The following GCLC variants were observed in gnomAD, a reference collection of about 807,000 sequenced individuals.
GCLC encodes glutamate-cysteine ligase catalytic subunit.
Under a neutral mutation model 81.5 loss-of-function variants are expected in GCLC, and 30 were observed. The ratio of observed to expected loss-of-function variants is 0.37; its 90% CI spans 0.28 to 0.50. The LOEUF (loss-of-function observed/expected upper bound fraction) is 0.50, where lower values mean the gene tolerates loss of function less well. GCLC is among the 20% of genes least tolerant of loss of function. GCLC has a pLI of 0.96. For synonymous variants in GCLC, 262 were observed against 273.3 expected, an observed-to-expected ratio of 0.96 and a Z score of 0.41; for missense variants, 556 against 777.4, an observed-to-expected ratio of 0.72 and a Z score of 3.39.
intron 1 of GCLC, among the ~76,000 whole-genome samples, chr6:53,541,887 G>T (rs377398042): frequency 4.8e-4 from 73 of 152,098 alleles, no homozygotes; most frequent in African/African-American, 1.7e-3. Flanking sequence ...TTTGGGGTAG[G>T]GGGCTAGGGT....
intron 12 of GCLC, 50 bp from the exon 13 acceptor site, chr6:53,500,563 A>G (rs2127618715): frequency 7.5e-7 from 1 of 1,334,764 alleles, no homozygotes. Flanking sequence ...TTGATCAGAC[A>G]TACAAGTTGC....
chr6:53,528,175 C>A (rs1307637223), intron 1 of GCLC, among the ~76,000 whole-genome samples: 1 of 152,156 alleles, frequency 6.6e-6, no homozygotes. Context: ...GACAACCTGA[C>A]TGACAAGACT....
chr6:53,502,480 C>T (rs1156635452), intron 12 of GCLC, among the ~76,000 whole-genome samples: 2 of 152,216 alleles, frequency 1.3e-5, no homozygotes, highest in African/African-American at 4.8e-5. Context: ...CCATGTATTA[C>T]CCATCACACT....
At chr6:53,535,618 G>C (rs1336539531) in intron 1 of GCLC, among the ~76,000 whole-genome samples, 3 of 152,178 alleles carry the variant, frequency 2.0e-5, no homozygotes, top group Non-Finnish European at 4.4e-5. Flanking sequence ...CCAAAATATA[G>C]AGAACGCTCA....
intron 6 of GCLC, 90 bp downstream of exon 6, chr6:53,514,114 A>G (rs894894008): frequency 3.2e-5 from 40 of 1,269,786 alleles, no homozygotes; most frequent in Non-Finnish European, 4.6e-5. Flanking sequence ...TTAAAATGTG[A>G]TTTTTGGAAC....
At chr6:53,517,524 GGTTCTTGA>G (rs1762897664) in intron 3 of GCLC, among the ~76,000 whole-genome samples, 2 of 152,010 alleles carry the variant, frequency 1.3e-5, no homozygotes. Flanking sequence ...CAGCTACAAG[GGTTCTTGA>G]GAATTCTTGA....
chr6:53,524,668 T>C (rs541024906), intron 1 of GCLC, among the ~76,000 whole-genome samples: 2 of 152,320 alleles, frequency 1.3e-5, no homozygotes, highest in East Asian at 3.9e-4. Flanking sequence ...CATCTGCTAC[T>C]GGAATTAAGT....
intron 7 of GCLC, 53 bp from the exon 8 acceptor site, chr6:53,508,764 T>TA (rs34497460): frequency 7.7e-6 from 9 of 1,175,156 alleles, no homozygotes; most frequent in South Asian, 3.6e-5. Context: ...ACTTACATGC[T>TA]AAAAAAAGCT....
intron 6 of GCLC, chr6:53,513,701 C>T (rs1764802482): frequency 6.1e-6 from 1 of 164,022 alleles, no homozygotes; most frequent in African/African-American, 2.4e-5. Context: ...CAGAGACAGG[C>T]TCCTGTATAC....
intron 1 of GCLC, among the ~76,000 whole-genome samples, chr6:53,536,912 C>CT (rs1763266631): frequency 6.6e-6 from 1 of 152,190 alleles, no homozygotes; most frequent in African/African-American, 2.4e-5. Flanking sequence ...GACTAATACA[C>CT]TTTTTTTCGA....
At chr6:53,509,645 T>C (rs1764695581) in intron 6 of GCLC, 1 of 254,330 alleles carries the variant, frequency 3.9e-6, no homozygotes. Context: ...TTGTTTTCTT[T>C]CTTTCTTCCT....
At chr6:53,512,914 C>G (rs1764782263) in intron 6 of GCLC, 1 of 152,126 alleles carries the variant, frequency 6.6e-6, no homozygotes, top group South Asian at 2.1e-4. Context: ...ACTGTAAGCT[C>G]TAGAACTTAA....
chr6:53,510,337 G>A lies in GCLC; in HGVS notation c.754-1087C>T, dbSNP rs763348194. ...GCTCAGAGAATGTCCTGAAGATGGGGAGATCACCCAGGAAGCCTGCACAAG... is the reference window on the plus strand; with the variant it reads ...GCTCAGAGAATGTCCTGAAGATGGGAAGATCACCCAGGAAGCCTGCACAAG... On this transcript the variant is annotated intron_variant, in intron 6 of 15. Transcript: ENST00000650454. 1.0e-3 allele frequency: 159 copies of A among 152,162 alleles called. 3 individuals carry two copies. Among genetic ancestry groups the A allele is most frequent in the Non-Finnish European group, 6.3e-4 (43 of 68,068 alleles). The allele number at this position is 152,162 out of a possible 1,614,324, so 9.4% of individuals were successfully genotyped here.
At chr6:53,505,960 T>A (rs1486339006) in intron 10 of GCLC, 65 bp from the exon 11 acceptor site, 16 of 890,122 alleles carry the variant, frequency 1.8e-5, no homozygotes, top group Non-Finnish European at 2.7e-5. Flanking sequence ...TAAGATGATC[T>A]GGTATTTAAT....
At chr6:53,527,340 C>G (rs1369712193) in intron 1 of GCLC, among the ~76,000 whole-genome samples, 1 of 152,218 alleles carries the variant, frequency 6.6e-6, no homozygotes, top group Admixed American at 6.5e-5. Context: ...GATCCTTTTG[C>G]TAGAACCAAC....
intron 1 of GCLC, among the ~76,000 whole-genome samples, chr6:53,537,656 TAAAAA>T (rs59965759): frequency 1.3e-5 from 2 of 148,176 alleles, no homozygotes; most frequent in African/African-American, 2.5e-5. Context: ...TACATAATAT[TAAAAA>T]AAAGAAAAGA....
chr6:53,519,630 G>A (rs1356767433), intron 3 of GCLC, among the ~76,000 whole-genome samples: 2 of 152,266 alleles, frequency 1.3e-5, no homozygotes, highest in East Asian at 1.9e-4. Flanking sequence ...AAGTGTCTGA[G>A]TGAATGGCAG....
chr6:53,541,457 C>A (rs1282169703), intron 1 of GCLC, among the ~76,000 whole-genome samples: 1 of 152,120 alleles, frequency 6.6e-6, no homozygotes, highest in Non-Finnish European at 1.5e-5. Flanking sequence ...GAATGTTATT[C>A]TTCTCAAAAA....
intron 3 of GCLC, among the ~76,000 whole-genome samples, chr6:53,517,716 C>CA (rs1444318203): frequency 6.6e-6 from 1 of 152,114 alleles, no homozygotes; most frequent in Admixed American, 6.5e-5. Flanking sequence ...CATCTTCGGA[C>CA]ACCTACGGCA....
Sources: allele counts gnomAD v4.1 joint callset (sites outside exome capture counted in the v4.1 genomes callset), GRCh38; gene constraint gnomAD v4.1.1; transcripts MANE v1.5; gene names NCBI Gene and HGNC (gene_info 2026-07-23, HGNC 2026-07-21).